RUNX1: variants seen among roughly 807,000 people sequenced by gnomAD.
RUNX1 encodes RUNX family transcription factor 1, also known as runt-related transcription factor 1.
A neutral mutation model predicts 42.8 loss-of-function variants in RUNX1; 19 were observed. The observed-to-expected ratio is 0.44, with a 90% CI of 0.31 to 0.65. The LOEUF (loss-of-function observed/expected upper bound fraction) is 0.65, where lower values mean the gene tolerates loss of function less well. RUNX1 is among the 30% of genes least tolerant of loss of function. The pLI, the probability that RUNX1 is intolerant of heterozygous loss-of-function variation, is 0.07. For missense variants in RUNX1, 528 were observed against 672.0 expected (o/e 0.79, Z 2.37); for synonymous variants, 271 against 289.4 (o/e 0.94, Z 0.64).
intron 2 of RUNX1, chr21:35,038,800 C>T (rs1039499061): frequency 1.8e-5 from 8 of 453,008 alleles, no homozygotes; most frequent in Non-Finnish European, 3.6e-5. Context: ...CCCAGGGCTC[C>T]TTCCAGAGCT....
At chr21:34,909,588 C>CAAAAAAAAAAAAGAAAA (rs2058254760) in intron 2 of RUNX1, among the ~76,000 whole-genome samples, 1 of 75,028 alleles carries the variant, frequency 1.3e-5, no homozygotes, top group African/African-American at 6.3e-5. Flanking sequence ...CACTGTTCCT[C>CAAAAAAAAAAAAGAAAA]AAAAAAAAAA....
Position 34,891,710 on chromosome 21 carries a change from A to T in RUNX1, c.97+1215T>A, listed in dbSNP as rs563427364. On this transcript the variant is annotated intron_variant, in intron 3 of 8. Coordinates refer to ENST00000675419, the MANE Select transcript of RUNX1 (RefSeq NM_001754.5). Reference sequence around the variant, plus strand: ...TACTTTTGTCATAATGCAAAATTAAAAAAAAAAAAAATACAACGAAGCGAT... The same window carrying T: ...TACTTTTGTCATAATGCAAAATTAATAAAAAAAAAAATACAACGAAGCGAT... Among the ~76,000 whole-genome samples the T allele has an allele frequency of 5.5e-3, 837 of 151,164 alleles. 4 individuals carry two copies. The highest frequency in any genetic ancestry group is 0.014 in the African/African-American group (570 of 40,896).
intron 2 of RUNX1, among the ~76,000 whole-genome samples, chr21:34,954,469 C>T (rs529608286): frequency 3.3e-5 from 5 of 152,236 alleles, no homozygotes; most frequent in East Asian, 3.9e-4. Context: ...CAGGGGCTAA[C>T]GATGCTAGGG....
chr21:34,850,387 G>A (rs910473642), intron 6 of RUNX1, among the ~76,000 whole-genome samples: 1 of 152,238 alleles, frequency 6.6e-6, no homozygotes, highest in Admixed American at 6.5e-5. Flanking sequence ...GGCCGGCCAT[G>A]TTTATGTGCT....
chr21:34,975,919 T>C (rs374749256), intron 2 of RUNX1, among the ~76,000 whole-genome samples: 1 of 152,004 alleles, frequency 6.6e-6, no homozygotes, highest in African/African-American at 2.4e-5. Context: ...TTTGGAAAGA[T>C]GGATTGAGAC....
intron 2 of RUNX1, among the ~76,000 whole-genome samples, chr21:35,045,216 CA>C (rs1238961469): frequency 6.6e-6 from 1 of 151,304 alleles, no homozygotes; most frequent in Non-Finnish European, 1.5e-5. Flanking sequence ...TTTATAGTTT[CA>C]AAATGTGTGG....
chr21:34,937,036 G>A (rs12626912), intron 2 of RUNX1, among the ~76,000 whole-genome samples: 1 of 151,972 alleles, frequency 6.6e-6, no homozygotes, highest in South Asian at 2.1e-4. Context: ...GACTGACCTA[G>A]GCGTGCCATG....
chr21:34,802,817 A>G (rs1355043175), intron 7 of RUNX1, among the ~76,000 whole-genome samples: 1 of 152,224 alleles, frequency 6.6e-6, no homozygotes, highest in East Asian at 1.9e-4. Context: ...TGCCTTCACC[A>G]TAAACCAACT....
chr21:34,930,234 ACATATT>A (rs2058429697), intron 2 of RUNX1, among the ~76,000 whole-genome samples: 1 of 134,398 alleles, frequency 7.4e-6, no homozygotes, highest in African/African-American at 3.1e-5. Flanking sequence ...TATTATATAT[ACATATT>A]ATATATGTAT....
intron 2 of RUNX1, among the ~76,000 whole-genome samples, chr21:34,990,633 G>C (rs1399378171): frequency 6.6e-6 from 1 of 150,774 alleles, no homozygotes; most frequent in East Asian, 1.9e-4. Flanking sequence ...TATAATGTTG[G>C]GATATGAGGA....
intron 2 of RUNX1, among the ~76,000 whole-genome samples, chr21:35,023,599 C>A (rs2146951728): frequency 6.6e-6 from 1 of 152,302 alleles, no homozygotes; most frequent in East Asian, 1.9e-4. Flanking sequence ...GTAGGGCTTC[C>A]CTGCACTTTG....
intron 4 of RUNX1, among the ~76,000 whole-genome samples, chr21:34,886,062 GT>G (rs1239760134): frequency 6.6e-6 from 1 of 152,230 alleles, no homozygotes; most frequent in African/African-American, 2.4e-5. Flanking sequence ...CCGCGCTGAA[GT>G]CTCCGGCTAC....
chr21:34,816,118 CAG>C (rs1266627221), intron 7 of RUNX1, among the ~76,000 whole-genome samples: 4 of 152,290 alleles, frequency 2.6e-5, no homozygotes, highest in African/African-American at 9.6e-5. Flanking sequence ...AGGGCCCCAG[CAG>C]AGAGTTGGTG....
chr21:34,908,489 T>C (rs1168830439), intron 2 of RUNX1, among the ~76,000 whole-genome samples: 1 of 152,234 alleles, frequency 6.6e-6, no homozygotes, highest in Non-Finnish European at 1.5e-5. Flanking sequence ...CTCAATTTTA[T>C]GTTGTAACAC....
At chr21:35,019,857 G>A (rs1045632000) in intron 2 of RUNX1, among the ~76,000 whole-genome samples, 2 of 152,108 alleles carry the variant, frequency 1.3e-5, no homozygotes, top group African/African-American at 2.4e-5. Context: ...ATCAGTGCAC[G>A]CGGCTTCAAC....
chr21:35,035,199 A>T (rs1350755830), intron 2 of RUNX1, among the ~76,000 whole-genome samples: 1 of 152,238 alleles, frequency 6.6e-6, no homozygotes, highest in Non-Finnish European at 1.5e-5. Context: ...TGTATTTCTG[A>T]TTCAGTGCTC....
At chr21:35,025,500 A>G (rs542830508) in intron 2 of RUNX1, among the ~76,000 whole-genome samples, 1 of 152,316 alleles carries the variant, frequency 6.6e-6, no homozygotes, top group East Asian at 1.9e-4. Flanking sequence ...AACACCCAGC[A>G]CACGCTATCC....
rs3833348 is a variant in RUNX1 at position 34,887,242 on chromosome 21, T to TGGGGGGGGG, written c.98-155_98-147dup. ...CAGGGGCCTTTATTACTGCGGGGGG[T>TGGGGGGGGG]GGGGGGGGGCGGGGGTGGTTAGGGG... On this transcript the variant is annotated intron_variant, in intron 3 of 8. Coordinates refer to ENST00000675419, the MANE Select transcript of RUNX1 (RefSeq NM_001754.5). The TGGGGGGGGG allele has an allele frequency of 2.6e-4, 78 of 299,336 alleles. 10 individuals are homozygous for TGGGGGGGGG. Among genetic ancestry groups the TGGGGGGGGG allele is most frequent in the South Asian group, 1.8e-3 (13 of 7,276 alleles). 18.5% of individuals were successfully genotyped at this position (299,336 alleles called of 1,614,324 possible).
intron 7 of RUNX1, among the ~76,000 whole-genome samples, chr21:34,832,243 T>G (rs757536704): frequency 6.6e-6 from 1 of 152,214 alleles, no homozygotes; most frequent in Non-Finnish European, 1.5e-5. Flanking sequence ...TCCACAATAA[T>G]GCTTTTGCCC....
Sources: gnomAD v4.1 joint callset for allele counts (sites outside exome capture counted in the v4.1 genomes callset) on GRCh38, gnomAD v4.1.1 for gene constraint, MANE v1.5 for transcripts, NCBI Gene and HGNC (gene_info 2026-07-23, HGNC 2026-07-21) for gene names.